MAGI1: variants seen among roughly 807,000 people sequenced by gnomAD.
MAGI1 encodes the protein membrane-associated guanylate kinase, WW and PDZ domain-containing protein 1.
A neutral mutation model predicts 139.9 loss-of-function variants in MAGI1; 58 were observed. The ratio of observed to expected loss-of-function variants is 0.41; its 90% CI spans 0.34 to 0.52. The LOEUF is 0.52. Among genes scored for constraint, MAGI1 ranks in the 20% least tolerant of loss-of-function variants. The pLI, the probability that MAGI1 is intolerant of heterozygous loss-of-function variation, is 0.12. For missense variants in MAGI1, 1,874 were observed against 1,901.6 expected, an observed-to-expected ratio of 0.99 and a Z score of 0.27; for synonymous variants, 812 against 737.9, an observed-to-expected ratio of 1.10 and a Z score of -1.63.
At chr3:65,557,655 T>C (rs928107874) in intron 2 of MAGI1, among the ~76,000 whole-genome samples, 3 of 152,226 alleles carry the variant, frequency 2.0e-5, no homozygotes, top group Non-Finnish European at 4.4e-5. Flanking sequence ...TCTCACTTGG[T>C]AATTACGTAT....
intron 1 of MAGI1, chr3:65,873,221 T>TGAGAAG (rs1468842016): frequency 2.6e-5 from 4 of 152,128 alleles, no homozygotes; most frequent in African/African-American, 9.7e-5. Context: ...ACCTCATGTA[T>TGAGAAG]GAGAAGGAGA....
intron 2 of MAGI1, among the ~76,000 whole-genome samples, chr3:65,577,904 T>C (rs193162944): frequency 6.6e-6 from 1 of 152,316 alleles, no homozygotes; most frequent in African/African-American, 2.4e-5. Context: ...TTATTTGCCT[T>C]TATTCGCTCC....
chr3:65,499,431 C>T (rs573147272), intron 2 of MAGI1, among the ~76,000 whole-genome samples: 1 of 152,110 alleles, frequency 6.6e-6, no homozygotes, highest in East Asian at 1.9e-4. Flanking sequence ...GGCCAGATCA[C>T]GAGGTCAGGA....
At chr3:65,779,414 A>G (rs1202793503) in intron 1 of MAGI1, among the ~76,000 whole-genome samples, 1 of 152,244 alleles carries the variant, frequency 6.6e-6, no homozygotes, top group Non-Finnish European at 1.5e-5. Flanking sequence ...GCCATACACT[A>G]AAGCACTCAA....
chr3:66,018,247 C>T lies in MAGI1; in HGVS notation c.313+19749G>A, dbSNP rs578252073. Among the ~76,000 whole-genome samples the T allele has an allele frequency of 5.3e-5, 8 of 152,196 alleles. No individual in the cohort carries two copies. The East Asian group carries it at 1.4e-3, about 26-fold the overall frequency. ...GGAGCAGCCCCTGCATATTTTCACA[C>T]GTGTAACTTTCTGCTACCACCAGGG... On this transcript the variant is annotated intron_variant, in intron 1 of 22. Coordinates refer to ENST00000402939, the MANE Select transcript of MAGI1 (RefSeq NM_001033057.2).
intron 1 of MAGI1, among the ~76,000 whole-genome samples, chr3:65,895,408 T>C (rs1330881673): frequency 6.6e-6 from 1 of 152,216 alleles, no homozygotes; most frequent in East Asian, 1.9e-4. Context: ...TGAGTTTGTG[T>C]GACACCTTCA....
intron 1 of MAGI1, among the ~76,000 whole-genome samples, chr3:65,792,627 T>C (rs1454345041): frequency 2.0e-5 from 3 of 152,076 alleles, no homozygotes; most frequent in African/African-American, 7.2e-5. Flanking sequence ...TAGGATACTG[T>C]CCCACCTGAT....
chr3:65,466,893 C>T (rs1228800001), intron 5 of MAGI1, among the ~76,000 whole-genome samples: 1 of 152,226 alleles, frequency 6.6e-6, no homozygotes, highest in Non-Finnish European at 1.5e-5. Flanking sequence ...CGTAGGACCA[C>T]AGGTTTTTCT....
intron 2 of MAGI1, chr3:65,597,783 G>C (rs1003927226): frequency 2.2e-6 from 1 of 456,728 alleles, no homozygotes; most frequent in East Asian, 7.0e-5. Context: ...TGGAGGGGTG[G>C]CGAGAGGAGA....
chr3:66,038,123 C>A lies in MAGI1; in HGVS notation c.186G>T (p.Pro62=). 6.2e-7 allele frequency: 1 copy of A among 1,612,378 alleles called. No homozygotes were observed. The highest frequency in any genetic ancestry group is 1.1e-5 in the South Asian group (1 of 91,004). The change falls in exon 1 of 23, where the codon CCG becomes CCT. Residue 62 remains proline (P), a synonymous_variant. Transcript: ENST00000402939. The part of the protein sequence containing the change: ...AAGLPGGGEG[P]RLGEGELLLE... The stretch of plus-strand genomic sequence containing the variant: ...GAAGCAGCTCCCCTTCGCCCAGCCT[C>A]GGGCCCTCGCCGCCGCCGGGAAGCC...
intron 1 of MAGI1, chr3:65,687,622 A>G (rs565987519): frequency 4.7e-6 from 2 of 424,058 alleles, no homozygotes; most frequent in Admixed American, 5.9e-5. Flanking sequence ...GGGATCCTAT[A>G]AAAAGAGAAT....
intron 13 of MAGI1, among the ~76,000 whole-genome samples, chr3:65,397,484 C>T (rs1429666590): frequency 6.6e-6 from 1 of 151,612 alleles, no homozygotes; most frequent in Non-Finnish European, 1.5e-5. Context: ...GCACTGGATG[C>T]TTTGCCCACC....
At chr3:65,364,981 C>A in intron 18 of MAGI1, 35 bp from the exon 19 acceptor site, 1 of 1,567,330 alleles carries the variant, frequency 6.4e-7, no homozygotes, top group Non-Finnish European at 8.8e-7. Flanking sequence ...GAAATGAAGA[C>A]CCCAGAGAAG....
chr3:65,962,299 T>C (rs1416844667), intron 1 of MAGI1, among the ~76,000 whole-genome samples: 1 of 151,678 alleles, frequency 6.6e-6, no homozygotes, highest in Non-Finnish European at 1.5e-5. Flanking sequence ...TTTTTTGTAT[T>C]TTTAGTAGAG....
In MAGI1 at chr3:65,649,917, T is replaced by C. The variant is rs529777193; in HGVS notation, c.314-27829A>G. ...GCTGCCTGTGGGGATGTTAAAATGATATAGGCACTCTGGAAAATAGATTGG... is the reference window on the plus strand; with the variant it reads ...GCTGCCTGTGGGGATGTTAAAATGACATAGGCACTCTGGAAAATAGATTGG... On this transcript the variant is annotated intron_variant, in intron 1 of 22. Transcript: ENST00000402939. Among the ~76,000 whole-genome samples the C allele has an allele frequency of 8.3e-4, 127 of 152,308 alleles. 2 individuals carry two copies. The South Asian group carries it at 0.025, about 31-fold the overall frequency.
rs76868591 is a variant in MAGI1 at position 65,740,309 on chromosome 3, T to A, written c.314-118221A>T. On this transcript the variant is annotated intron_variant, in intron 1 of 22. Coordinates refer to ENST00000402939, the MANE Select transcript of MAGI1 (RefSeq NM_001033057.2). ...TCGTGTGAGGGACATTACTACATTA[T>A]CTTAATTTAATGCTCCCACAAATCC... Among the ~76,000 whole-genome samples, 850 of 152,340 alleles carry A rather than the reference T, an allele frequency of 5.6e-3. 7 individuals carry two copies. The highest frequency in any genetic ancestry group is 0.014 in the African/African-American group (569 of 41,570).
chr3:65,653,337 C>A (rs1452799272), intron 1 of MAGI1, among the ~76,000 whole-genome samples: 1 of 152,164 alleles, frequency 6.6e-6, no homozygotes, highest in African/African-American at 2.4e-5. Context: ...TCCACTTTGG[C>A]CCCTTCCACC....
intron 2 of MAGI1, among the ~76,000 whole-genome samples, chr3:65,546,467 T>C (rs2079513502): frequency 6.6e-6 from 1 of 152,230 alleles, no homozygotes; most frequent in African/African-American, 2.4e-5. Flanking sequence ...CCCTCTTCTT[T>C]TATAAGCAAA....
chr3:65,768,394 T>C (rs1225829180), intron 1 of MAGI1, among the ~76,000 whole-genome samples: 2 of 151,980 alleles, frequency 1.3e-5, no homozygotes, highest in Non-Finnish European at 2.9e-5. Context: ...GACTCCAACC[T>C]ACGTGACAGA....
Sources: allele counts gnomAD v4.1 joint callset (sites outside exome capture counted in the v4.1 genomes callset), GRCh38; gene constraint gnomAD v4.1.1; transcripts MANE v1.5; gene names NCBI Gene and HGNC (gene_info 2026-07-23, HGNC 2026-07-21).